The following GABRB2 variants were observed in gnomAD, a reference collection of about 807,000 sequenced individuals.
GABRB2 encodes gamma-aminobutyric acid type A receptor subunit beta2.
GABRB2 carries 16 observed loss-of-function variants against 54.7 expected under a neutral mutation model. The ratio of observed to expected loss-of-function variants is 0.29; its 90% CI spans 0.20 to 0.44. The LOEUF is 0.44. Among genes scored for constraint, GABRB2 ranks in the 20% least tolerant of loss-of-function variants. GABRB2 has a pLI of 1.00. For missense variants in GABRB2, 355 were observed against 644.0 expected (o/e 0.55, Z 4.86); for synonymous variants, 244 against 233.8 (o/e 1.04, Z -0.40).
chr5:161,515,281 T>TA (rs964213660), intron 3 of GABRB2, among the ~76,000 whole-genome samples: 107 of 152,162 alleles, frequency 7.0e-4, no homozygotes, highest in Non-Finnish European at 1.3e-3. Flanking sequence ...TAGAATTTTT[T>TA]AAAAAAAATT....
In GABRB2 at chr5:161,467,361, G is replaced by A. The variant is rs575883456; in HGVS notation, c.238-7517C>T. 9.9e-5 allele frequency among the ~76,000 whole-genome samples: 15 copies of A among 152,054 alleles called. No homozygotes were observed. In the South Asian group the frequency reaches 2.9e-3, roughly 29 times the overall value. On this transcript the variant is annotated intron_variant, in intron 3 of 9. Coordinates refer to ENST00000393959, the MANE Select transcript of GABRB2 (RefSeq NM_001371727.1). ...TCATTTGTTATTTTCTTTCACTTAC[G>A]CTATATCAAAGTTGAGGTTTTGAGC...
intron 9 of GABRB2, among the ~76,000 whole-genome samples, chr5:161,318,118 C>T (rs922055549): frequency 6.6e-5 from 10 of 151,490 alleles, no homozygotes; most frequent in Non-Finnish European, 1.3e-4. Context: ...TGAAAGTAAC[C>T]ATGTGCTTTA....
At chr5:161,313,656 A>G (rs1252729447) in intron 9 of GABRB2, among the ~76,000 whole-genome samples, 1 of 152,166 alleles carries the variant, frequency 6.6e-6, no homozygotes, top group African/African-American at 2.4e-5. Context: ...TATCAACTTC[A>G]AAGTTACCAC....
At chr5:161,328,513 C>T (rs1398933080) in intron 8 of GABRB2, among the ~76,000 whole-genome samples, 1 of 152,014 alleles carries the variant, frequency 6.6e-6, no homozygotes, top group Non-Finnish European at 1.5e-5. Context: ...AATTTTTTGT[C>T]TACTGTCACC....
intron 3 of GABRB2, among the ~76,000 whole-genome samples, chr5:161,542,159 G>A (rs181134015): frequency 6.6e-6 from 1 of 152,126 alleles, no homozygotes; most frequent in East Asian, 1.9e-4. Context: ...AGTTCATGGT[G>A]CCCCCAAACA....
chr5:161,465,287 G>C (rs1758247034), intron 3 of GABRB2, among the ~76,000 whole-genome samples: 1 of 152,040 alleles, frequency 6.6e-6, no homozygotes, highest in East Asian at 1.9e-4. Flanking sequence ...TACAGATTAA[G>C]TCTCCTTCAT....
intron 3 of GABRB2, among the ~76,000 whole-genome samples, chr5:161,515,652 T>C (rs1389692332): frequency 6.6e-6 from 1 of 152,198 alleles, no homozygotes; most frequent in South Asian, 2.1e-4. Flanking sequence ...TAGAAGAACA[T>C]GTAGAAGAAC....
chr5:161,351,916 G>C (rs1385421613), intron 5 of GABRB2, among the ~76,000 whole-genome samples: 1 of 151,984 alleles, frequency 6.6e-6, no homozygotes, highest in African/African-American at 2.4e-5. Context: ...TTTCTTAAAA[G>C]AAGACATATA....
chr5:161,361,021 G>C (rs1018364826), intron 5 of GABRB2, among the ~76,000 whole-genome samples: 1 of 151,112 alleles, frequency 6.6e-6, no homozygotes, highest in South Asian at 2.1e-4. Context: ...AATAAAAAAA[G>C]AAAAAAGAAA....
intron 3 of GABRB2, among the ~76,000 whole-genome samples, chr5:161,472,057 AG>A (rs1448915309): frequency 1.3e-5 from 2 of 151,938 alleles, no homozygotes; most frequent in Non-Finnish European, 1.5e-5. Context: ...TCATAAAACA[AG>A]AGAGATCACA....
At chr5:161,516,150 A>AT (rs1250142704) in intron 3 of GABRB2, among the ~76,000 whole-genome samples, 1 of 152,382 alleles carries the variant, frequency 6.6e-6, no homozygotes, top group East Asian at 1.9e-4. Context: ...GCAAGTCTGC[A>AT]TATAGTAGAA....
intron 5 of GABRB2, among the ~76,000 whole-genome samples, chr5:161,352,815 T>C (rs1754514469): frequency 6.6e-6 from 1 of 152,046 alleles, no homozygotes; most frequent in Non-Finnish European, 1.5e-5. Context: ...TAATTTTACA[T>C]ATATATAATT....
At chr5:161,309,853 G>C (rs2112184) in intron 9 of GABRB2, among the ~76,000 whole-genome samples, 18,725 of 151,920 alleles carry the variant, frequency 0.12, 1,538 homozygotes, top group African/African-American at 0.23. Flanking sequence ...GGATGGTCTC[G>C]ATCTCCTGAC....
At chr5:161,328,104 T>G (rs1580982679) in intron 8 of GABRB2, among the ~76,000 whole-genome samples, 1 of 152,156 alleles carries the variant, frequency 6.6e-6, no homozygotes, top group East Asian at 1.9e-4. Flanking sequence ...ATTAATAGAG[T>G]TTGATGCAGT....
intron 5 of GABRB2, among the ~76,000 whole-genome samples, chr5:161,402,062 A>G (rs1756212123): frequency 6.6e-6 from 1 of 151,482 alleles, no homozygotes; most frequent in East Asian, 1.9e-4. Flanking sequence ...ATAGTTATAT[A>G]TATTATATAA....
intron 5 of GABRB2, among the ~76,000 whole-genome samples, chr5:161,370,112 A>G (rs1260608008): frequency 6.6e-6 from 1 of 152,142 alleles, no homozygotes; most frequent in African/African-American, 2.4e-5. Flanking sequence ...AGAAAAACAC[A>G]AGGTAAGACT....
At chr5:161,445,540 C>G (rs1409390422) in intron 4 of GABRB2, among the ~76,000 whole-genome samples, 4 of 151,714 alleles carry the variant, frequency 2.6e-5, no homozygotes, top group Admixed American at 2.0e-4. Flanking sequence ...CTCATTACAG[C>G]CTCCTCCCTT....
intron 3 of GABRB2, among the ~76,000 whole-genome samples, chr5:161,475,681 A>G (rs1396729498): frequency 6.6e-6 from 1 of 152,018 alleles, no homozygotes. Flanking sequence ...AATGTAATAC[A>G]CTGCATTAAC....
chr5:161,345,736 T>G (rs573470473), intron 5 of GABRB2, among the ~76,000 whole-genome samples: 1 of 152,096 alleles, frequency 6.6e-6, no homozygotes, highest in Non-Finnish European at 1.5e-5. Context: ...ACTAGTGTGG[T>G]CCTCACAGCC....
Sources: allele counts gnomAD v4.1 joint callset (sites outside exome capture counted in the v4.1 genomes callset), GRCh38; gene constraint gnomAD v4.1.1; transcripts MANE v1.5; gene names NCBI Gene and HGNC (gene_info 2026-07-23, HGNC 2026-07-21).